The following DOCK3 variants were observed in gnomAD, a reference collection of about 807,000 sequenced individuals.
DOCK3 encodes the protein dedicator of cytokinesis protein 3.
DOCK3 carries 60 observed loss-of-function variants against 265.6 expected under a neutral mutation model. The observed-to-expected ratio is 0.23, with a 90% CI of 0.18 to 0.28. The LOEUF (loss-of-function observed/expected upper bound fraction) is 0.28. Ranked by LOEUF, DOCK3 falls within the 10% of genes least tolerant of loss-of-function variation. The pLI is 1.00. For synonymous variants in DOCK3, 881 were observed against 938.0 expected, an observed-to-expected ratio of 0.94 and a Z score of 1.11; for missense variants, 1,981 against 2,594.3, an observed-to-expected ratio of 0.76 and a Z score of 5.14.
At chr3:51,226,732 A>G (rs1167641371) in intron 15 of DOCK3, among the ~76,000 whole-genome samples, 4 of 152,194 alleles carry the variant, frequency 2.6e-5, no homozygotes, top group African/African-American at 7.2e-5. Context: ...AGACAAGGGC[A>G]TGGGCAGTAC....
intron 5 of DOCK3, among the ~76,000 whole-genome samples, chr3:50,997,166 C>CTA (rs1175910402): frequency 6.6e-6 from 1 of 152,116 alleles, no homozygotes; most frequent in Non-Finnish European, 1.5e-5. Flanking sequence ...TACCCAGTGC[C>CTA]TAACAGTGCA....
chr3:50,986,339 A>G (rs2077898883), intron 5 of DOCK3, among the ~76,000 whole-genome samples: 1 of 152,230 alleles, frequency 6.6e-6, no homozygotes, highest in Non-Finnish European at 1.5e-5. Context: ...CTTTAATGCT[A>G]TCTAACAAGT....
At chr3:51,231,380 C>T (rs1396886409) in intron 19 of DOCK3, among the ~76,000 whole-genome samples, 1 of 151,766 alleles carries the variant, frequency 6.6e-6, no homozygotes, top group Non-Finnish European at 1.5e-5. Context: ...CTGCCTGCCT[C>T]AGCCTCCCAA....
chr3:50,795,029 C>CT (rs764895610), intron 2 of DOCK3, among the ~76,000 whole-genome samples: 41 of 149,054 alleles, frequency 2.8e-4, no homozygotes, highest in Middle Eastern at 3.5e-3. Flanking sequence ...TTGAATCTCT[C>CT]TTTTTTTTTT....
chr3:51,063,755 A>AT (rs1287747635), intron 5 of DOCK3, among the ~76,000 whole-genome samples: 1 of 152,118 alleles, frequency 6.6e-6, no homozygotes, highest in African/African-American at 2.4e-5. Flanking sequence ...TGACACTTAT[A>AT]TTTTTCTACT....
At chr3:51,356,518 G>A in intron 43 of DOCK3, 25 bp downstream of exon 43, 1 of 1,604,320 alleles carries the variant, frequency 6.2e-7, no homozygotes, top group African/African-American at 1.3e-5. Flanking sequence ...AGATGAAGCT[G>A]AGCTTCACAA....
rs2088717634 is a variant in DOCK3, at chr3:51,382,535, G to A, written c.*976G>A. Reference sequence around the variant, plus strand: ...TGCCTACCATCAGCTCCTGAATCAGGGATTTTCAGCACTACCTCTGAGCCA... The same window carrying A: ...TGCCTACCATCAGCTCCTGAATCAGAGATTTTCAGCACTACCTCTGAGCCA... On this transcript the variant is annotated 3_prime_UTR_variant, in exon 53 of 53. Coordinates refer to ENST00000266037, the MANE Select transcript of DOCK3 (RefSeq NM_004947.5). The A allele has an allele frequency of 6.5e-6, 1 of 152,686 alleles. No homozygotes were observed. The highest frequency in any genetic ancestry group is 1.9e-4 in the East Asian group (1 of 5,196). 9.5% of individuals were successfully genotyped at this position (152,686 alleles called of 1,614,324 possible).
intron 27 of DOCK3, among the ~76,000 whole-genome samples, chr3:51,305,762 T>G (rs532674032): frequency 3.5e-3 from 244 of 70,318 alleles, no homozygotes; most frequent in African/African-American, 0.011. Flanking sequence ...GTGTGTGTGT[T>G]TTTATTATAG....
chr3:51,346,708 C>T (rs983192957), intron 38 of DOCK3, among the ~76,000 whole-genome samples: 52 of 152,178 alleles, frequency 3.4e-4, no homozygotes, highest in Admixed American at 3.4e-3. Context: ...CTTGAGGAAT[C>T]TCCACACTGT....
At chr3:51,367,530 A>G (rs2087298592) in intron 49 of DOCK3, among the ~76,000 whole-genome samples, 1 of 152,178 alleles carries the variant, frequency 6.6e-6, no homozygotes, top group Non-Finnish European at 1.5e-5. Flanking sequence ...TGATCCTGTC[A>G]TTATGATGTT....
intron 1 of DOCK3, 77 bp from the exon 2 acceptor site, chr3:50,778,598 A>G (rs938049523): frequency 1.2e-5 from 13 of 1,045,988 alleles, no homozygotes; most frequent in Middle Eastern, 2.1e-4. Context: ...AAGAAAATTT[A>G]GTGCTTAATT....
chr3:50,734,016 T>C (rs1270006396), intron 1 of DOCK3, among the ~76,000 whole-genome samples: 1 of 152,186 alleles, frequency 6.6e-6, no homozygotes, highest in Non-Finnish European at 1.5e-5. Context: ...CTAATAACAA[T>C]GTATAGTGTT....
intron 2 of DOCK3, among the ~76,000 whole-genome samples, chr3:50,811,718 A>G (rs2043769230): frequency 6.6e-6 from 1 of 152,206 alleles, no homozygotes; most frequent in South Asian, 2.1e-4. Context: ...GGGTTATTAC[A>G]GTTATATTTA....
chr3:51,316,799 G>A (rs1420267027), intron 32 of DOCK3, among the ~76,000 whole-genome samples: 1 of 152,020 alleles, frequency 6.6e-6, no homozygotes, highest in African/African-American at 2.4e-5. Flanking sequence ...ATTTTCATTT[G>A]AGTTGCTGCT....
At chr3:50,810,651 G>A (rs1378899262) in intron 2 of DOCK3, among the ~76,000 whole-genome samples, 1 of 152,048 alleles carries the variant, frequency 6.6e-6, no homozygotes, top group East Asian at 1.9e-4. Flanking sequence ...TTGTAAAAAA[G>A]TTGATAAAAG....
chr3:51,214,531 T>G (rs1359549356), intron 14 of DOCK3, among the ~76,000 whole-genome samples: 1 of 152,198 alleles, frequency 6.6e-6, no homozygotes, highest in African/African-American at 2.4e-5. Flanking sequence ...ATGGTAGAAG[T>G]GAATATGGAA....
intron 1 of DOCK3, among the ~76,000 whole-genome samples, chr3:50,777,315 T>C (rs1013575210): frequency 6.6e-6 from 1 of 152,216 alleles, no homozygotes; most frequent in Non-Finnish European, 1.5e-5. Context: ...TCCAGTATCA[T>C]GCTGTTTTGG....
chr3:50,866,520 A>G (rs2047154685), intron 3 of DOCK3, among the ~76,000 whole-genome samples: 1 of 150,304 alleles, frequency 6.7e-6, no homozygotes. Context: ...CAGACCAATG[A>G]CCTGGAGAGT....
intron 12 of DOCK3, among the ~76,000 whole-genome samples, chr3:51,206,510 T>C (rs961017748): frequency 2.0e-5 from 3 of 151,620 alleles, no homozygotes; most frequent in Non-Finnish European, 4.4e-5. Context: ...TGGAGAATAA[T>C]AGAGCAAGCT....
Sources: gnomAD v4.1 joint callset for allele counts (sites outside exome capture counted in the v4.1 genomes callset) on GRCh38, gnomAD v4.1.1 for gene constraint, MANE v1.5 for transcripts, NCBI Gene and HGNC (gene_info 2026-07-23, HGNC 2026-07-21) for gene names.